Variants in HDX observed in about 807,000 individuals in gnomAD.
HDX encodes highly divergent homeobox.
A neutral mutation model predicts 45.2 loss-of-function variants in HDX; 19 were observed. That is an observed-to-expected ratio of 0.42 (90% CI 0.29 to 0.62). The LOEUF is 0.62. Among genes scored for constraint, HDX ranks in the 20% least tolerant of loss-of-function variants. The probability of loss-of-function intolerance (pLI) is 0.20; values close to 1 mark genes in which losing one functional copy is unlikely to be tolerated. For missense variants in HDX, 532 were observed against 493.9 expected, an observed-to-expected ratio of 1.08 and a Z score of -0.73; for synonymous variants, 188 against 172.8, an observed-to-expected ratio of 1.09 and a Z score of -0.69.
At chrX:84,373,842 C>G (rs1261830549) in intron 5 of HDX, among the ~76,000 whole-genome samples, 1 of 110,973 alleles carries the variant, frequency 9.0e-6, no homozygotes. Context: ...CCTTTGAAAA[C>G]TGGCACAAGA....
At chrX:84,351,297 T>A (rs2037353860) in intron 6 of HDX, among the ~76,000 whole-genome samples, 1 of 111,087 alleles carries the variant, frequency 9.0e-6, no homozygotes, top group Non-Finnish European at 1.9e-5. Context: ...GGAGGAAGGA[T>A]TTTTATTCCA....
intron 9 of HDX, among the ~76,000 whole-genome samples, chrX:84,327,338 C>T (rs1168813770): frequency 9.0e-6 from 1 of 111,296 alleles, no homozygotes; most frequent in Non-Finnish European, 1.9e-5. Context: ...GCTTTGAGGG[C>T]TATAACACTC....
At chrX:84,460,445 T>C (rs1390834207) in intron 4 of HDX, among the ~76,000 whole-genome samples, 2 of 111,955 alleles carry the variant, frequency 1.8e-5, no homozygotes, top group East Asian at 2.8e-4. Context: ...CAAAACCATA[T>C]GATCATTTGA....
intron 4 of HDX, among the ~76,000 whole-genome samples, chrX:84,448,316 G>A (rs1048349286): frequency 9.0e-6 from 1 of 111,034 alleles, no homozygotes; most frequent in Non-Finnish European, 1.9e-5. Context: ...CCAGGACATG[G>A]CCAGCACCTG....
chrX:84,413,010 C>A (rs2039022668), intron 5 of HDX, among the ~76,000 whole-genome samples: 1 of 111,581 alleles, frequency 9.0e-6, no homozygotes, highest in African/African-American at 3.3e-5. Context: ...CAGTTTGGTT[C>A]TTTCTTAAAA....
At chrX:84,481,317 C>A (rs1166949305) in intron 2 of HDX, among the ~76,000 whole-genome samples, 2 of 110,731 alleles carry the variant, frequency 1.8e-5, no homozygotes, top group Admixed American at 1.9e-4. Flanking sequence ...GTTTTTCCGT[C>A]TTCATTTTCA....
chrX:84,351,036 T>TATC (rs1292844732), intron 6 of HDX, among the ~76,000 whole-genome samples: 3 of 110,290 alleles, frequency 2.7e-5, no homozygotes, highest in Admixed American at 9.8e-5. Context: ...TCTATCTATC[T>TATC]ATCTATCTAT....
chrX:84,387,822 G>A (rs2038354360), intron 5 of HDX, among the ~76,000 whole-genome samples: 1 of 111,460 alleles, frequency 9.0e-6, no homozygotes, highest in Admixed American at 9.5e-5. Flanking sequence ...TACATTCAGG[G>A]TTGATATTGA....
At chrX:84,463,408 T>A (rs1014275261) in intron 4 of HDX, among the ~76,000 whole-genome samples, 6 of 111,280 alleles carry the variant, frequency 5.4e-5, no homozygotes, top group Non-Finnish European at 1.1e-4. Context: ...ACAAAAGCAC[T>A]AAAGTCCACA....
At chrX:84,360,378 T>A (rs1166672818) in intron 6 of HDX, among the ~76,000 whole-genome samples, 1 of 112,096 alleles carries the variant, frequency 8.9e-6, no homozygotes, top group Non-Finnish European at 1.9e-5. Flanking sequence ...TGAGATATAT[T>A]TCAATTCACC....
rs998828389 is a variant in HDX at position 84,442,991 on chromosome X, T to C, written c.1252-2406A>G. On this transcript the variant is annotated intron_variant, in intron 4 of 10. Coordinates refer to ENST00000373177, the MANE Select transcript of HDX (RefSeq NM_001177479.2). ...TGGTTTTCTGTTTAAGTCAATTGTGTGTAAGGAAGAAAATACAAAACTCCT... is the reference window on the plus strand; with the variant it reads ...TGGTTTTCTGTTTAAGTCAATTGTGCGTAAGGAAGAAAATACAAAACTCCT... Among the ~76,000 whole-genome samples, 4 of 111,862 alleles carry C rather than the reference T, an allele frequency of 3.6e-5. No homozygotes were observed. The Admixed American group carries it at 3.8e-4, about 11-fold the overall frequency.
At chrX:84,448,148 A>G (rs1174956396) in intron 4 of HDX, among the ~76,000 whole-genome samples, 2 of 111,680 alleles carry the variant, frequency 1.8e-5, no homozygotes, top group African/African-American at 3.3e-5. Context: ...CACATTTGGC[A>G]CTACTCTTGA....
chrX:84,320,109 C>T lies in HDX; in HGVS notation c.*1780G>A, dbSNP rs1188711686. ...CTACTTAATAAGTGGTTTCTAACTTCGTTGTATATGGGGGCGACTCTTCAT... is the reference window on the plus strand; with the variant it reads ...CTACTTAATAAGTGGTTTCTAACTTTGTTGTATATGGGGGCGACTCTTCAT... On this transcript the variant is annotated 3_prime_UTR_variant, in exon 11 of 11. Transcript: ENST00000373177. 1 of 110,985 alleles carries T rather than the reference C, an allele frequency of 9.0e-6. No individual in the cohort carries two copies. The highest frequency in any genetic ancestry group is 3.7e-4 in the South Asian group (1 of 2,689). 9.1% of individuals were successfully genotyped at this position (110,985 alleles called of 1,213,427 possible). A position where few individuals can be genotyped will look rare whatever the true frequency, so the allele number is the denominator to read the frequency against.
intron 5 of HDX, among the ~76,000 whole-genome samples, chrX:84,387,181 A>G (rs1038019567): frequency 1.8e-5 from 2 of 112,261 alleles, no homozygotes; most frequent in African/African-American, 6.5e-5. Context: ...TTTGTATTGC[A>G]CTACGGACTG....
chrX:84,440,278 A>G (rs2039732043), intron 5 of HDX: 1 of 256,325 alleles, frequency 3.9e-6, no homozygotes, highest in Non-Finnish European at 6.9e-6. Flanking sequence ...TATTTTATGA[A>G]TTATTTTGGA....
chrX:84,498,100 C>A (rs1348272397), intron 1 of HDX, among the ~76,000 whole-genome samples: 1 of 111,448 alleles, frequency 9.0e-6, no homozygotes, highest in Non-Finnish European at 1.9e-5. Flanking sequence ...AACCCAAATG[C>A]ACATATGTCT....
chrX:84,466,018 T>G (rs754666209), intron 4 of HDX, among the ~76,000 whole-genome samples: 4 of 111,430 alleles, frequency 3.6e-5, no homozygotes, highest in Non-Finnish European at 7.5e-5. Context: ...TCCACCATAC[T>G]CTCTCAAGTC....
intron 4 of HDX, among the ~76,000 whole-genome samples, chrX:84,449,764 G>T (rs1046359141): frequency 1.8e-5 from 2 of 111,877 alleles, no homozygotes; most frequent in South Asian, 3.7e-4. Flanking sequence ...AAAGGGAAAA[G>T]ACTCCAATGT....
At chrX:84,365,828 G>A (rs1351863814) in intron 5 of HDX, among the ~76,000 whole-genome samples, 2 of 111,134 alleles carry the variant, frequency 1.8e-5, no homozygotes, top group Non-Finnish European at 3.8e-5. Context: ...TTGATGGAAT[G>A]TATCTCAAAA....
Sources: gnomAD v4.1 joint callset for allele counts (sites outside exome capture counted in the v4.1 genomes callset) on GRCh38, gnomAD v4.1.1 for gene constraint, MANE v1.5 for transcripts, NCBI Gene and HGNC (gene_info 2026-07-23, HGNC 2026-07-21) for gene names.